DOCK9: variants seen among roughly 807,000 people sequenced by gnomAD.
DOCK9 encodes the protein dedicator of cytokinesis 9.
In DOCK9, 89 loss-of-function variants were observed where a neutral mutation model predicts 263.3. The observed-to-expected ratio is 0.34, with a 90% CI of 0.28 to 0.40. DOCK9 has a LOEUF of 0.40. Among genes scored for constraint, DOCK9 ranks in the 10% least tolerant of loss-of-function variants. The pLI is 1.00. For synonymous variants in DOCK9, 976 were observed against 973.1 expected, an observed-to-expected ratio of 1.00 and a Z score of -0.06; for missense variants, 2,140 against 2,603.4, an observed-to-expected ratio of 0.82 and a Z score of 3.87.
chr13:99,044,839 T>C (rs1888801857), intron 1 of DOCK9, among the ~76,000 whole-genome samples: 2 of 152,162 alleles, frequency 1.3e-5, no homozygotes, highest in African/African-American at 4.8e-5. Context: ...GGTTCTTCCA[T>C]CACATGCACA....
At position 99,052,118 on chromosome 13, in the gene DOCK9, A is replaced by G. The variant is rs531555364; in HGVS notation, c.129+34105T>C. 2.0e-5 allele frequency among the ~76,000 whole-genome samples: 3 copies of G among 152,370 alleles called. No individual in the cohort carries two copies. The South Asian group carries it at 6.2e-4, about 32-fold the overall frequency. ...AGCACGACCAATTTTCCCCATGGAA[A>G]TGCTTGACTATCAGAGCTGGGGGCT... On this transcript the variant is annotated intron_variant, in intron 1 of 32. Coordinates refer to the DOCK9 transcript ENST00000427887.
chr13:98,967,182 T>G (rs2059295528), intron 1 of DOCK9, among the ~76,000 whole-genome samples: 1 of 152,238 alleles, frequency 6.6e-6, no homozygotes, highest in Non-Finnish European at 1.5e-5. Context: ...TCTCCATACT[T>G]TAATCTAAAG....
At chr13:99,019,846 A>G (rs1189502160) in intron 1 of DOCK9, among the ~76,000 whole-genome samples, 2 of 152,136 alleles carry the variant, frequency 1.3e-5, no homozygotes, top group Admixed American at 1.3e-4. Flanking sequence ...CACACCTGTA[A>G]TCCTGGCACT....
chr13:99,056,477 AG>A (rs1397424545), intron 1 of DOCK9, among the ~76,000 whole-genome samples: 1 of 152,186 alleles, frequency 6.6e-6, no homozygotes, highest in African/African-American at 2.4e-5. Context: ...ACATTAACTG[AG>A]GGGAAAAAAG....
chr13:98,901,748 ACCACC>A (rs2048314146), intron 13 of DOCK9, 25 bp downstream of exon 13: 1 of 1,603,632 alleles, frequency 6.2e-7, no homozygotes, highest in African/African-American at 1.3e-5. Context: ...ATTGCTTTTT[ACCACC>A]CCAAAGCGTA....
intron 52 of DOCK9, among the ~76,000 whole-genome samples, chr13:98,795,109 G>A (rs1485951448): frequency 6.6e-6 from 1 of 152,214 alleles, no homozygotes; most frequent in Non-Finnish European, 1.5e-5. Flanking sequence ...CTTTTACAAA[G>A]CTAGTGAATG....
At chr13:98,936,273 C>T (rs539929236) in intron 2 of DOCK9, among the ~76,000 whole-genome samples, 1 of 152,220 alleles carries the variant, frequency 6.6e-6, no homozygotes, top group East Asian at 1.9e-4. Context: ...CCCTTCTTTA[C>T]CCCACCAGAT....
rs539006504 is a variant in DOCK9, at chr13:98,901,898, T to A, written c.1383A>T (p.Gly461=). ...HEAAMQYPKQ[G]IFSVTCPHPD... ...GATGAGGACAAGTGACTGAAAATAT[T>A]CCCTAGGAGGCAAACAATTTTCTTC... The change falls in exon 13 of 53, where the codon GGA becomes GGT. Residue 461 remains glycine (G), a splice_region_variant and synonymous_variant. Transcript: ENST00000682017. The A allele has an allele frequency of 1.6e-4, 250 of 1,611,662 alleles. No homozygotes were observed. The South Asian group carries it at 2.6e-3, about 17-fold the overall frequency.
intron 1 of DOCK9, among the ~76,000 whole-genome samples, chr13:99,043,029 G>A (rs2142142280): frequency 6.6e-6 from 1 of 152,254 alleles, no homozygotes; most frequent in Non-Finnish European, 1.5e-5. Flanking sequence ...GCACTGCTGG[G>A]TGACATCATC....
At chr13:98,965,305 T>G (rs1352585925) in intron 1 of DOCK9, among the ~76,000 whole-genome samples, 2 of 152,108 alleles carry the variant, frequency 1.3e-5, no homozygotes, top group African/African-American at 4.8e-5. Flanking sequence ...ATGGTGAAAA[T>G]CAAGATAGAA....
At chr13:99,017,148 T>C (rs1276851891) in intron 1 of DOCK9, among the ~76,000 whole-genome samples, 3 of 152,178 alleles carry the variant, frequency 2.0e-5, no homozygotes, top group African/African-American at 7.2e-5. Context: ...GTCTAGAGCA[T>C]TCCACTTCCA....
intron 2 of DOCK9, among the ~76,000 whole-genome samples, chr13:98,932,327 G>A (rs569747909): frequency 3.9e-4 from 59 of 152,226 alleles, no homozygotes; most frequent in Non-Finnish European, 6.2e-4. Context: ...CCCGGGAGGC[G>A]GAGGTTGCAG....
chr13:98,873,442 C>G (rs1225004992), intron 27 of DOCK9, among the ~76,000 whole-genome samples: 1 of 152,222 alleles, frequency 6.6e-6, no homozygotes, highest in Non-Finnish European at 1.5e-5. Context: ...TCTCTTCCCT[C>G]TCATGGTAAT....
At chr13:98,876,052 A>G (rs939685478) in intron 27 of DOCK9, among the ~76,000 whole-genome samples, 1 of 152,180 alleles carries the variant, frequency 6.6e-6, no homozygotes, top group Non-Finnish European at 1.5e-5. Flanking sequence ...GTACACTGAA[A>G]GCATCAGCTT....
At chr13:99,051,293 C>T (rs935125821) in intron 1 of DOCK9, among the ~76,000 whole-genome samples, 1 of 152,104 alleles carries the variant, frequency 6.6e-6, no homozygotes, top group African/African-American at 2.4e-5. Context: ...TCAGTTCTTG[C>T]TCTTTGCTTT....
Position 98,898,205 on chromosome 13 carries a change from A to G in DOCK9, c.1560T>C (p.Tyr520=), listed in dbSNP as rs1258390164. 3 of 1,612,044 alleles carry G rather than the reference A, an allele frequency of 1.9e-6. No individual in the cohort carries two copies. The highest frequency in any genetic ancestry group is 1.7e-5 in the Admixed American group (1 of 59,804). ...AKQACQRLGQ[Y]RMPFAWAART... ...TTGCTGCCCAAGCAAATGGCATTCT[A>G]TACTGTCCTAGTCTTTGGCATGCCT... Residue 520 remains tyrosine, a synonymous_variant, in exon 14 of 53, where the codon TAT becomes TAC. Coordinates refer to ENST00000682017, the MANE Select transcript of DOCK9 (RefSeq NM_001366683.2).
chr13:98,927,408 C>T (rs1327000072), intron 3 of DOCK9, among the ~76,000 whole-genome samples: 6 of 152,090 alleles, frequency 3.9e-5, no homozygotes, highest in South Asian at 2.1e-4. Context: ...TGACTATGTA[C>T]GACGTGGTCT....
chr13:99,087,366 G>A (rs993175965), upstream of DOCK9, among the ~76,000 whole-genome samples: 1 of 152,188 alleles, frequency 6.6e-6, no homozygotes. Flanking sequence ...CGGTTATGTC[G>A]CCTGTAACCT....
chr13:99,024,233 G>A (rs183572676), intron 1 of DOCK9, among the ~76,000 whole-genome samples: 12 of 152,324 alleles, frequency 7.9e-5, no homozygotes, highest in Non-Finnish European at 1.3e-4. Context: ...GATCACATGA[G>A]CGCAGGAAGC....
Sources: allele counts gnomAD v4.1 joint callset (sites outside exome capture counted in the v4.1 genomes callset), GRCh38; gene constraint gnomAD v4.1.1; transcripts MANE v1.5; gene names NCBI Gene and HGNC (gene_info 2026-07-23, HGNC 2026-07-21).